Variants in TFAP2A observed in about 807,000 individuals in gnomAD.
TFAP2A encodes transcription factor AP-2 alpha.
Under a neutral mutation model 41.5 loss-of-function variants are expected in TFAP2A, and 7 were observed. The observed-to-expected ratio is 0.17, with a 90% confidence interval of 0.10 to 0.32. The LOEUF (loss-of-function observed/expected upper bound fraction) is 0.32. TFAP2A is among the 10% of genes least tolerant of loss of function. The probability of loss-of-function intolerance (pLI) is 1.00; values close to 1 mark genes in which losing one functional copy is unlikely to be tolerated. For missense variants in TFAP2A, 416 were observed against 563.3 expected, an observed-to-expected ratio of 0.74 and a Z score of 2.65; for synonymous variants, 247 against 242.8, an observed-to-expected ratio of 1.02 and a Z score of -0.16.
intron 1 of TFAP2A, chr6:10,414,590 CG>C: frequency 2.1e-6 from 1 of 470,252 alleles, no homozygotes. Flanking sequence ...CCCTCAATCT[CG>C]ATGAAGATAA....
chr6:10,419,492 G>A, upstream of TFAP2A: 1 of 1,613,948 alleles, frequency 6.2e-7, no homozygotes, highest in Non-Finnish European at 8.5e-7. Flanking sequence ...GCCGGGCATG[G>A]GCTGGAGGGC....
chr6:10,400,946 T>A (rs1449820574), intron 5 of TFAP2A, among the ~76,000 whole-genome samples: 1 of 152,242 alleles, frequency 6.6e-6, no homozygotes, highest in Non-Finnish European at 1.5e-5. Context: ...ATATTCATAA[T>A]TACTCTTTGA....
Position 10,398,607 on chromosome 6 carries a change from C to A in TFAP2A, c.1130G>T (p.Cys377Phe). The A allele has an allele frequency of 6.2e-7, 1 of 1,614,224 alleles. No homozygotes were observed. The highest frequency in any genetic ancestry group is 8.5e-7 in the Non-Finnish European group (1 of 1,180,038). The change falls in exon 7 of 7, where the codon TGC (cysteine) becomes TTC (phenylalanine). Residue 377 changes from cysteine (C) to phenylalanine (F), a missense_variant. This residue lies in a region of TFAP2A where 116 missense variants were observed against 153.8 expected (regional missense o/e 0.75). Coordinates refer to ENST00000379613, the MANE Select transcript of TFAP2A (RefSeq NM_001372066.1). The surrounding 1 kb of genome is among the most constrained non-coding windows in gnomAD (Gnocchi z 5.3). ...GGAGATGAGGTTGAAGTGGGTCAAG[C>A]AGCTCTGGATGCCGGGCTCCAGGAT... ...NPILEPGIQSCLTHFNLISHG... is the reference protein window; with the variant it reads ...NPILEPGIQSFLTHFNLISHG...
upstream of TFAP2A, chr6:10,419,547 T>C: frequency 6.8e-7 from 1 of 1,471,910 alleles, no homozygotes; most frequent in South Asian, 1.1e-5. Context: ...AATCCTCCTT[T>C]TTTACCTGCT....
rs1162930769 is a variant in TFAP2A, at chr6:10,397,691, A to C, written c.*726T>G. 1 of 244,062 alleles carries C rather than the reference A, an allele frequency of 4.1e-6. No homozygotes were observed. Among genetic ancestry groups the C allele is most frequent in the Admixed American group, 6.5e-5 (1 of 15,372 alleles). The allele number at this position is 244,062 out of a possible 1,614,324, so 15.1% of individuals were successfully genotyped here. A position where few individuals can be genotyped will look rare whatever the true frequency, so the allele number is the denominator to read the frequency against. On this transcript the variant is annotated 3_prime_UTR_variant, in exon 7 of 7. Coordinates refer to ENST00000379613, the MANE Select transcript of TFAP2A (RefSeq NM_001372066.1). ...AAAAAAGGCTTAAAACAGACTCACC[A>C]TATTTACAATTCCCATTAAATTACA...
intron 1 of TFAP2A, 44 bp downstream of exon 1, chr6:10,414,897 G>A (rs979688122): frequency 3.7e-6 from 6 of 1,611,102 alleles, no homozygotes; most frequent in East Asian, 2.2e-5. Context: ...GGTCAAGCTC[G>A]GAGCCTGTGA....
At chr6:10,418,650 G>A (rs1758326176), upstream of TFAP2A, 1 of 152,340 alleles carries the variant, frequency 6.6e-6, no homozygotes, top group African/African-American at 2.4e-5. Context: ...GGAAGGACAG[G>A]AGCCAAGCCT....
rs546690434 is a variant in TFAP2A at position 10,398,074 on chromosome 6, T to A, written c.*343A>T. The A allele has an allele frequency of 2.1e-5, 24 of 1,169,680 alleles. No homozygotes were observed. The highest frequency in any genetic ancestry group is 3.5e-4 in the Middle Eastern group (1 of 2,826). The allele number at this position is 1,169,680 out of a possible 1,614,324, so 72.5% of individuals were successfully genotyped here. On this transcript the variant is annotated 3_prime_UTR_variant, in exon 7 of 7. Coordinates refer to ENST00000379613, the MANE Select transcript of TFAP2A (RefSeq NM_001372066.1). This position sits in a 1 kb window ranked among gnomAD's most constrained non-coding sequence, Gnocchi z 5.3. ...GTTGTTGTTGCTGTTGTTGATTTGT[T>A]GTTTTGTTTAAAAAAAAAAGGGTTC... is the stretch of plus-strand genomic sequence containing the variant.
chr6:10,415,337 T>A, upstream of TFAP2A: 1 of 1,212,964 alleles, frequency 8.2e-7, no homozygotes, highest in South Asian at 1.6e-5. Context: ...AATAGTCCAA[T>A]TGCTCGCCAG....
rs1757719417 is a variant in TFAP2A, at chr6:10,406,522, A to G, written c.538+271T>C. 7.8e-6 allele frequency: 4 copies of G among 511,790 alleles called. No individual in the cohort carries two copies. In the South Asian group the frequency reaches 9.2e-5, roughly 12 times the overall value. 31.7% of individuals were successfully genotyped at this position (511,790 alleles called of 1,614,324 possible). On this transcript the variant is annotated intron_variant, in intron 3 of 6. Coordinates refer to ENST00000379613, the MANE Select transcript of TFAP2A (RefSeq NM_001372066.1). ...AAAATTGAAATGCCACTTCCAAATC[A>G]GTTCAACTACTGTACATTTTGTGTG...
intron 2 of TFAP2A, 59 bp from the exon 3 acceptor site, chr6:10,406,903 A>T: frequency 1.5e-6 from 2 of 1,350,476 alleles, no homozygotes; most frequent in Non-Finnish European, 2.1e-6. Flanking sequence ...GGAAATGAAT[A>T]TTCCCTGCAA....
Position 10,411,438 on chromosome 6 carries a change from G to A in TFAP2A, c.52-1103C>T, listed in dbSNP as rs1757964906. ...GAGAGAAAGGCGGAAGGTGGGGTGG[G>A]GGATGCAAATGGAGAGGGTGTCCTG... On this transcript the variant is annotated intron_variant, in intron 1 of 6. Transcript: ENST00000379613. 3.0e-5 allele frequency: 44 copies of A among 1,475,372 alleles called. 1 individual carries two copies. In the South Asian group the frequency reaches 4.5e-4, roughly 15 times the overall value. 91.4% of individuals were successfully genotyped at this position (1,475,372 alleles called of 1,614,324 possible). A position where few individuals can be genotyped will look rare whatever the true frequency, so the allele number is the denominator to read the frequency against.
In TFAP2A at chr6:10,404,692, G is replaced by A. The variant is rs764751482; in HGVS notation, c.586C>T (p.Pro196Ser). The change falls in exon 4 of 7, where the codon CCT becomes TCT. Residue 196 changes from proline to serine, a missense_variant. Around this residue, in one of 3 missense-constraint regions of TFAP2A, gnomAD observed 241 missense variants for 274.1 expected, o/e 0.88. Coordinates refer to ENST00000379613, the MANE Select transcript of TFAP2A (RefSeq NM_001372066.1). ...CCGAAGAGGTTGTCCTTGTTAATAG[G>A]GATGGCGGAGACGGCATTGCTGTTG... ...KSNSNAVSAI[P>S]INKDNLFGGV... The A allele has an allele frequency of 2.8e-5, 46 of 1,614,192 alleles. No individual in the cohort carries two copies. The highest frequency in any genetic ancestry group is 3.7e-5 in the Non-Finnish European group (44 of 1,180,002).
upstream of TFAP2A, among the ~76,000 whole-genome samples, chr6:10,418,934 T>G (rs1234757835): frequency 6.7e-6 from 1 of 150,000 alleles, no homozygotes; most frequent in Non-Finnish European, 1.5e-5. Context: ...AATCTGGGGG[T>G]ACCAAGAGAG....
At chr6:10,399,836 G>A (rs961268172) in intron 6 of TFAP2A, among the ~76,000 whole-genome samples, 1 of 152,130 alleles carries the variant, frequency 6.6e-6, no homozygotes, top group African/African-American at 2.4e-5. Flanking sequence ...AATATAACTT[G>A]GGCCATTTTG....
rs1461010 is a variant in TFAP2A, at chr6:10,398,278, A to G, written c.*139T>C. Reference sequence around the variant, plus strand: ...CGGAGACTCGGGGGGACCCAAGGGCAGCGGCGGCGGCGGCGGCGGCAGCAG... The same window carrying G: ...CGGAGACTCGGGGGGACCCAAGGGCGGCGGCGGCGGCGGCGGCGGCAGCAG... On this transcript the variant is annotated 3_prime_UTR_variant, in exon 7 of 7. Transcript: ENST00000379613. The surrounding 1 kb of genome is among the most constrained non-coding windows in gnomAD (Gnocchi z 5.3). 4,400 of 1,568,408 alleles carry G rather than the reference A, an allele frequency of 2.8e-3. 99 individuals are homozygous for G. In the African/African-American group the frequency reaches 0.052, roughly 19 times the overall value.
upstream of TFAP2A, chr6:10,415,086 C>CAGGAGG (rs904750524): frequency 2.5e-6 from 4 of 1,597,712 alleles, no homozygotes; most frequent in African/African-American, 1.4e-5. Context: ...GCGGTGAGCG[C>CAGGAGG]AGGAGGAGGA....
chr6:10,415,791 C>T (rs1758220162), upstream of TFAP2A: 1 of 152,420 alleles, frequency 6.6e-6, no homozygotes, highest in African/African-American at 2.4e-5. Context: ...GCCACCCCCT[C>T]GGGCCGCAGC....
chr6:10,413,977 T>C (rs1758124240), intron 1 of TFAP2A, among the ~76,000 whole-genome samples: 1 of 152,224 alleles, frequency 6.6e-6, no homozygotes, highest in Non-Finnish European at 1.5e-5. Flanking sequence ...ACAGTGTTGG[T>C]TGTAACCGTT....
Sources: gnomAD v4.1 joint callset for allele counts (sites outside exome capture counted in the v4.1 genomes callset) on GRCh38, gnomAD v4.1.1 for gene constraint, gnomAD v4.1.1 regional missense constraint, Gnocchi (gnomAD v3.1) non-coding constraint, MANE v1.5 for transcripts, NCBI Gene and HGNC (gene_info 2026-07-23, HGNC 2026-07-21) for gene names.